The following DTNB variants were observed in gnomAD, a reference collection of about 807,000 sequenced individuals.
DTNB encodes dystrobrevin beta.
DTNB carries 63 observed loss-of-function variants against 90.7 expected under a neutral mutation model. The ratio of observed to expected loss-of-function variants is 0.69; its 90% CI spans 0.57 to 0.86. The LOEUF (loss-of-function observed/expected upper bound fraction) is 0.86, where lower values mean the gene tolerates loss of function less well. Among genes scored for constraint, DTNB ranks in the 40% least tolerant of loss-of-function variants. The pLI is 0.00. For missense variants in DTNB, 744 were observed against 807.1 expected (o/e 0.92, Z 0.95); for synonymous variants, 277 against 286.7 (o/e 0.97, Z 0.34).
intron 1 of DTNB, among the ~76,000 whole-genome samples, chr2:25,668,455 C>T (rs2085028727): frequency 6.6e-6 from 1 of 152,060 alleles, no homozygotes; most frequent in Non-Finnish European, 1.5e-5. Context: ...ACAAGTGAGC[C>T]CCTTGCAGGG....
In DTNB at chr2:25,624,878, C is replaced by A. The variant is rs955649621; in HGVS notation, c.362+3293G>T. Among the ~76,000 whole-genome samples, 3 of 152,028 alleles carry A rather than the reference C, an allele frequency of 2.0e-5. No individual in the cohort carries two copies. In the East Asian group the frequency reaches 5.8e-4, roughly 29 times the overall value. ...GCAGCTATCAGTGTTTTCACAACTC[C>A]TTGTGGCTTTCACTAAGATTCTACA... On this transcript the variant is annotated intron_variant, in intron 4 of 20. Transcript: ENST00000406818.
chr2:25,536,807 A>G (rs1376384133), intron 8 of DTNB, among the ~76,000 whole-genome samples: 1 of 152,052 alleles, frequency 6.6e-6, no homozygotes, highest in African/African-American at 2.4e-5. Context: ...CAGTGGGGTG[A>G]TCTCGGCTCA....
chr2:25,666,216 C>G (rs2084408418), intron 1 of DTNB, among the ~76,000 whole-genome samples: 1 of 152,122 alleles, frequency 6.6e-6, no homozygotes, highest in Non-Finnish European at 1.5e-5. Context: ...TCATATACAT[C>G]TGTTTCTCTC....
At chr2:25,432,807 C>A in intron 14 of DTNB, 79 bp downstream of exon 14, 2 of 1,396,162 alleles carry the variant, frequency 1.4e-6, no homozygotes, top group Admixed American at 2.0e-5. Context: ...ACAGATTCTA[C>A]CCCACTCCTT....
intron 4 of DTNB, among the ~76,000 whole-genome samples, chr2:25,610,593 A>G (rs977975192): frequency 6.6e-6 from 1 of 152,226 alleles, no homozygotes; most frequent in Non-Finnish European, 1.5e-5. Flanking sequence ...AGTTCACTGA[A>G]TGAACTTTCA....
At chr2:25,580,864 T>C (rs1195195205) in intron 6 of DTNB, 38 bp from the exon 7 acceptor site, 3 of 1,558,430 alleles carry the variant, frequency 1.9e-6, no homozygotes, top group South Asian at 1.2e-5. Context: ...TTTAAGTTTT[T>C]TAGGAATCTC....
intron 15 of DTNB, 150 bp from the exon 16 acceptor site, chr2:25,419,685 AT>A: frequency 1.0e-6 from 1 of 997,286 alleles, no homozygotes; most frequent in Non-Finnish European, 1.4e-6. Context: ...CAAAGGCCCC[AT>A]CCCCCACAGG....
intron 15 of DTNB, chr2:25,426,738 TC>T (rs1407187816): frequency 2.0e-5 from 3 of 152,180 alleles, no homozygotes; most frequent in African/African-American, 7.2e-5. Flanking sequence ...CCATAATAAA[TC>T]CCCTCTTAGA....
rs1293285435 is a variant in DTNB, at chr2:25,634,635, G to A, written c.148+4379C>T. Among the ~76,000 whole-genome samples the A allele has an allele frequency of 2.6e-5, 3 of 116,394 alleles. 1 individual carries two copies. The highest frequency in any genetic ancestry group is 5.3e-5 in the African/African-American group (2 of 37,398). The allele number at this position is 116,394 out of a possible 152,430, so 76.4% of individuals were successfully genotyped here. On this transcript the variant is annotated intron_variant, in intron 3 of 20. Coordinates refer to ENST00000406818, the MANE Select transcript of DTNB (RefSeq NM_021907.5). ...AGAAAGGGGGGAAAGGTGGGGAAAA[G>A]ATTGAGAGGTTGGATGGTTGCCGTG... is the stretch of plus-strand genomic sequence containing the variant.
At chr2:25,588,255 T>C (rs1277410780) in intron 6 of DTNB, among the ~76,000 whole-genome samples, 1 of 152,210 alleles carries the variant, frequency 6.6e-6, no homozygotes, top group African/African-American at 2.4e-5. Flanking sequence ...CCTCCAATGC[T>C]GAATATTTGT....
intron 16 of DTNB, among the ~76,000 whole-genome samples, chr2:25,392,950 A>G (rs1177267751): frequency 2.0e-5 from 3 of 152,192 alleles, no homozygotes; most frequent in African/African-American, 7.2e-5. Context: ...AAAACAAGAA[A>G]GCTACAGACC....
At chr2:25,497,733 G>T (rs1296054788) in intron 9 of DTNB, 3 of 152,190 alleles carry the variant, frequency 2.0e-5, no homozygotes, top group Non-Finnish European at 4.4e-5. Context: ...GATTGTCTCT[G>T]CCAGTCAGAG....
intron 8 of DTNB, among the ~76,000 whole-genome samples, chr2:25,532,159 T>C (rs1436373260): frequency 6.6e-6 from 1 of 150,664 alleles, no homozygotes; most frequent in Non-Finnish European, 1.5e-5. Context: ...GCAGAAGAAT[T>C]GCTTGAACCT....
At chr2:25,594,729 C>G (rs2064241160) in intron 6 of DTNB, among the ~76,000 whole-genome samples, 1 of 152,180 alleles carries the variant, frequency 6.6e-6, no homozygotes, top group African/African-American at 2.4e-5. Flanking sequence ...AAAAAATTCC[C>G]ATTTTCCCTT....
chr2:25,663,468 A>G (rs763407245), intron 1 of DTNB, among the ~76,000 whole-genome samples: 7 of 152,136 alleles, frequency 4.6e-5, no homozygotes, highest in Non-Finnish European at 1.0e-4. Context: ...CTGGTTCTAG[A>G]TCCTCGAGGA....
chr2:25,408,522 GA>G (rs2045817537), intron 16 of DTNB, among the ~76,000 whole-genome samples: 1 of 109,816 alleles, frequency 9.1e-6, no homozygotes, highest in Admixed American at 1.2e-4. Flanking sequence ...CTGGACACCA[GA>G]GTGAGACTCC....
intron 3 of DTNB, among the ~76,000 whole-genome samples, chr2:25,632,192 CAAAA>C (rs71399307): frequency 3.9e-5 from 3 of 76,870 alleles, no homozygotes; most frequent in African/African-American, 1.7e-4. Context: ...GACTCTGTCT[CAAAA>C]AAAAAAAAAA....
chr2:25,637,979 A>C (rs2077452971), intron 3 of DTNB, among the ~76,000 whole-genome samples: 1 of 152,228 alleles, frequency 6.6e-6, no homozygotes. Flanking sequence ...TCAATGATAG[A>C]CTGGATTAAG....
intron 3 of DTNB, among the ~76,000 whole-genome samples, chr2:25,633,870 T>C (rs1250440647): frequency 6.8e-6 from 1 of 147,346 alleles, no homozygotes; most frequent in African/African-American, 2.5e-5. Flanking sequence ...CGCGACCCCG[T>C]CTGGGAGGTG....
Sources: gnomAD v4.1 joint callset for allele counts (sites outside exome capture counted in the v4.1 genomes callset) on GRCh38, gnomAD v4.1.1 for gene constraint, MANE v1.5 for transcripts, NCBI Gene and HGNC (gene_info 2026-07-23, HGNC 2026-07-21) for gene names.